IRAG1: variants seen among roughly 807,000 people sequenced by gnomAD.
IRAG1 encodes IP3R-associated cGMP kinase substrate.
In IRAG1, 62 loss-of-function variants were observed where a neutral mutation model predicts 106.2. That is an observed-to-expected ratio of 0.58 (90% CI 0.48 to 0.72). The LOEUF (loss-of-function observed/expected upper bound fraction) is 0.72. IRAG1 is among the 30% of genes least tolerant of loss of function. IRAG1 has a pLI of 0.00. For missense variants in IRAG1, 1,064 were observed against 1,140.7 expected (o/e 0.93, Z 0.97); for synonymous variants, 462 against 443.9 (o/e 1.04, Z -0.51).
intron 2 of IRAG1, among the ~76,000 whole-genome samples, chr11:10,648,940 G>T (rs185053606): frequency 1.0e-3 from 153 of 152,284 alleles, no homozygotes; most frequent in African/African-American, 3.5e-3. Flanking sequence ...GGGACCTGAG[G>T]AATCACAACT....
At chr11:10,620,757 A>G (rs900233642) in intron 10 of IRAG1, among the ~76,000 whole-genome samples, 1 of 152,226 alleles carries the variant, frequency 6.6e-6, no homozygotes, top group Non-Finnish European at 1.5e-5. Context: ...GTAATTTGGG[A>G]AATGCAAATG....
intron 12 of IRAG1, 149 bp downstream of exon 12, chr11:10,606,593 G>T: frequency 1.3e-6 from 1 of 756,756 alleles, no homozygotes; most frequent in Non-Finnish European, 2.0e-6. Flanking sequence ...GGTTCAAGAG[G>T]GCTGGTCATG....
intron 18 of IRAG1, 61 bp downstream of exon 18, chr11:10,591,487 G>A (rs2134201538): frequency 6.9e-7 from 1 of 1,448,932 alleles, no homozygotes; most frequent in Non-Finnish European, 9.5e-7. Flanking sequence ...AGGAAGGAAA[G>A]TAAAATGGGG....
intron 16 of IRAG1, chr11:10,593,838 T>C (rs1564896168): frequency 1.7e-6 from 1 of 572,268 alleles, no homozygotes; most frequent in Non-Finnish European, 3.1e-6. Context: ...ATCTTGGAGA[T>C]ACAGAATGGA....
chr11:10,576,754 G>A (rs138658532), intron 20 of IRAG1, among the ~76,000 whole-genome samples, 179 bp from the exon 21 acceptor site: 72 of 152,304 alleles, frequency 4.7e-4, no homozygotes, highest in African/African-American at 1.6e-3. Context: ...TACTAAATGA[G>A]AATATCCAAA....
intron 9 of IRAG1, among the ~76,000 whole-genome samples, chr11:10,624,246 C>T (rs1856057996): frequency 6.6e-6 from 1 of 152,016 alleles, no homozygotes; most frequent in Non-Finnish European, 1.5e-5. Context: ...TGGCGCTGCT[C>T]CTGGAAACAG....
intron 19 of IRAG1, 108 bp downstream of exon 19, chr11:10,581,759 G>A: frequency 5.1e-6 from 7 of 1,364,230 alleles, no homozygotes; most frequent in Non-Finnish European, 6.9e-6. Context: ...AGGAGGTCCT[G>A]CGGCCACTGG....
Position 10,573,331 on chromosome 11 carries a change from C to G in IRAG1, c.*3001G>C, listed in dbSNP as rs1850679292. ...GACATCAACAATGACACAAACACAT[C>G]ACTCTGCAACTGAAGGCAGGGAACC... is the stretch of plus-strand genomic sequence containing the variant. On this transcript the variant is annotated 3_prime_UTR_variant, in exon 21 of 21. Coordinates refer to ENST00000423302, the MANE Select transcript of IRAG1 (RefSeq NM_130385.4). 1 of 152,208 alleles carries G rather than the reference C, an allele frequency of 6.6e-6. No individual in the cohort carries two copies. The highest frequency in any genetic ancestry group is 2.4e-5 in the African/African-American group (1 of 41,432). The allele number at this position is 152,208 out of a possible 1,614,324, so 9.4% of individuals were successfully genotyped here.
intron 1 of IRAG1, among the ~76,000 whole-genome samples, chr11:10,664,922 C>T (rs1304175816): frequency 2.0e-5 from 3 of 152,330 alleles, no homozygotes; most frequent in Admixed American, 6.5e-5. Context: ...TTCTCAGATC[C>T]TGATCAAGCC....
intron 3 of IRAG1, 131 bp from the exon 4 acceptor site, chr11:10,632,192 T>A: frequency 1.0e-5 from 1 of 99,560 alleles, no homozygotes; most frequent in Non-Finnish European, 1.7e-5. Flanking sequence ...CTTTCTTTCT[T>A]TTTTTTTTTT....
At chr11:10,596,069 TACC>T (rs1853271242) in intron 15 of IRAG1, among the ~76,000 whole-genome samples, 1 of 152,236 alleles carries the variant, frequency 6.6e-6, no homozygotes, top group Non-Finnish European at 1.5e-5. Flanking sequence ...GGTGTATATG[TACC>T]ACATTTTTCT....
chr11:10,624,777 A>G (rs1856107058), intron 9 of IRAG1, among the ~76,000 whole-genome samples: 1 of 152,084 alleles, frequency 6.6e-6, no homozygotes. Context: ...GTGCCAGGGT[A>G]GTGGTTAGTG....
chr11:10,686,698 A>G (rs1861681425), intron 1 of IRAG1, among the ~76,000 whole-genome samples: 2 of 152,140 alleles, frequency 1.3e-5, no homozygotes, highest in Admixed American at 6.5e-5. Context: ...AGAGATGGAA[A>G]GAGATGGGGC....
chr11:10,672,627 C>T (rs1294198695), intron 1 of IRAG1, among the ~76,000 whole-genome samples: 2 of 152,132 alleles, frequency 1.3e-5, no homozygotes, highest in Non-Finnish European at 2.9e-5. Context: ...CAATAAGGTA[C>T]CACTTTACAC....
At chr11:10,631,081 G>T (rs926669189) in intron 4 of IRAG1, among the ~76,000 whole-genome samples, 2 of 152,206 alleles carry the variant, frequency 1.3e-5, no homozygotes, top group African/African-American at 4.8e-5. Flanking sequence ...CTGCCAAGAA[G>T]AAAGCTAACA....
At chr11:10,600,342 A>C (rs989289097) in intron 15 of IRAG1, among the ~76,000 whole-genome samples, 1 of 151,898 alleles carries the variant, frequency 6.6e-6, no homozygotes, top group Admixed American at 6.6e-5. Flanking sequence ...CCAGACTCTC[A>C]CTCCACCCTA....
intron 20 of IRAG1, among the ~76,000 whole-genome samples, chr11:10,576,985 G>C (rs1418191381): frequency 1.3e-5 from 2 of 152,316 alleles, no homozygotes; most frequent in East Asian, 3.9e-4. Context: ...TTAGCACCTA[G>C]CTGCATTAAT....
intron 20 of IRAG1, among the ~76,000 whole-genome samples, chr11:10,577,875 G>A (rs753738398): frequency 1.2e-4 from 18 of 152,176 alleles, no homozygotes; most frequent in East Asian, 1.9e-4. Context: ...GAACACATTC[G>A]CTGATTTGAA....
At chr11:10,619,715 T>C (rs2134495395) in intron 10 of IRAG1, among the ~76,000 whole-genome samples, 1 of 152,310 alleles carries the variant, frequency 6.6e-6, no homozygotes, top group South Asian at 2.1e-4. Context: ...GTGAAGTAGG[T>C]ACTGTTATTA....
Sources: allele counts gnomAD v4.1 joint callset (sites outside exome capture counted in the v4.1 genomes callset), GRCh38; gene constraint gnomAD v4.1.1; transcripts MANE v1.5; gene names NCBI Gene and HGNC (gene_info 2026-07-23, HGNC 2026-07-21).